Variants in ZNF202 observed in about 807,000 individuals in gnomAD.
ZNF202 encodes zinc finger protein with KRAB and SCAN domains 10.
ZNF202 carries 22 observed loss-of-function variants against 54.5 expected under a neutral mutation model. The observed-to-expected ratio is 0.40, with a 90% CI of 0.29 to 0.58. ZNF202 has a LOEUF of 0.58. Among genes scored for constraint, ZNF202 ranks in the 20% least tolerant of loss-of-function variants. The probability of loss-of-function intolerance (pLI) is 0.39; values close to 1 mark genes in which losing one functional copy is unlikely to be tolerated. For synonymous variants in ZNF202, 294 were observed against 301.4 expected (o/e 0.98, Z 0.26); for missense variants, 644 against 805.5 (o/e 0.80, Z 2.43).
chr11:123,730,444 A>G lies in ZNF202; in HGVS notation c.402+43T>C. The G allele has an allele frequency of 1.4e-6, 2 of 1,480,160 alleles. No homozygotes were observed. Among genetic ancestry groups the G allele is most frequent in the Non-Finnish European group, 1.8e-6 (2 of 1,116,234 alleles). The allele number at this position is 1,480,160 out of a possible 1,614,324, so 91.7% of individuals were successfully genotyped here. A position where few individuals can be genotyped will look rare whatever the true frequency, so the allele number is the denominator to read the frequency against. Reference sequence around the variant, plus strand: ...CCGCAAATCCAGCCTTCCAGCAAATAGTCCCCCTCCACATCACACAGATCA... The same window carrying G: ...CCGCAAATCCAGCCTTCCAGCAAATGGTCCCCCTCCACATCACACAGATCA... On this transcript the variant is annotated intron_variant, in intron 4 of 8. Transcript: ENST00000530393. This position sits in a 1 kb window ranked among gnomAD's most constrained non-coding sequence, Gnocchi z 6.0.
At position 123,725,423 on chromosome 11, in the gene ZNF202, A is replaced by C. The variant is rs945622292; in HGVS notation, c.*574T>G. Reference sequence around the variant, plus strand: ...TTTTCGCCCACTTCCATTTCTCCTCAGCATCAAAGGAAAGTGCATGGTAAG... The same window carrying C: ...TTTTCGCCCACTTCCATTTCTCCTCCGCATCAAAGGAAAGTGCATGGTAAG... On this transcript the variant is annotated 3_prime_UTR_variant, in exon 9 of 9. Transcript: ENST00000530393. 1.3e-5 allele frequency: 2 copies of C among 152,250 alleles called. No homozygotes were observed. The highest frequency in any genetic ancestry group is 4.8e-5 in the African/African-American group (2 of 41,408). The allele number at this position is 152,250 out of a possible 1,614,324, so 9.4% of individuals were successfully genotyped here.
At chr11:123,727,647 T>A in intron 7 of ZNF202, 52 bp from the exon 8 acceptor site, 1 of 1,608,658 alleles carries the variant, frequency 6.2e-7, no homozygotes, top group Non-Finnish European at 8.5e-7. Context: ...CAATTCCCTG[T>A]GTTAAGAGCG....
chr11:123,730,366 G>T lies in ZNF202; in HGVS notation c.402+121C>A. On this transcript the variant is annotated intron_variant, in intron 4 of 8. Coordinates refer to ENST00000530393, the MANE Select transcript of ZNF202 (RefSeq NM_003455.4). The surrounding 1 kb of genome is among the most constrained non-coding windows in gnomAD (Gnocchi z 6.0). ...AATCCATGGGGCTCATGGTATATGAGCAACCCAAGGGCAGAGCCCACTAAT... is the reference window on the plus strand; with the variant it reads ...AATCCATGGGGCTCATGGTATATGATCAACCCAAGGGCAGAGCCCACTAAT... 2 of 1,298,792 alleles carry T rather than the reference G, an allele frequency of 1.5e-6. No homozygotes were observed. The highest frequency in any genetic ancestry group is 2.1e-6 in the Non-Finnish European group (2 of 968,488). The allele number at this position is 1,298,792 out of a possible 1,614,324, so 80.5% of individuals were successfully genotyped here.
rs941127667 is a variant in ZNF202 at position 123,725,214 on chromosome 11, A to G, written c.*783T>C. ...AGGGATGCAACCAAGAGACTGGTTG[A>G]ATAACGGGAAGGTTAAATGCATGAG... On this transcript the variant is annotated 3_prime_UTR_variant, in exon 9 of 9. Transcript: ENST00000530393. 1 of 152,256 alleles carries G rather than the reference A, an allele frequency of 6.6e-6. No individual in the cohort carries two copies. Among genetic ancestry groups the G allele is most frequent in the African/African-American group, 2.4e-5 (1 of 41,470 alleles). 9.4% of individuals were successfully genotyped at this position (152,256 alleles called of 1,614,324 possible).
chr11:123,741,498 T>TCCGGCCCGGTCCAGC (rs1322995840), intron 1 of ZNF202, 51 bp downstream of exon 1: 1 of 151,986 alleles, frequency 6.6e-6, no homozygotes, highest in East Asian at 1.9e-4. Context: ...CCCGATCTGG[T>TCCGGCCCGGTCCAGC]CCGGCCCGGT....
At chr11:123,735,839 A>T (rs1861613661) in intron 3 of ZNF202, among the ~76,000 whole-genome samples, 1 of 152,246 alleles carries the variant, frequency 6.6e-6, no homozygotes, top group South Asian at 2.1e-4. Context: ...GGGATGTGCT[A>T]TGCCATAAGT....
chr11:123,738,460 T>C (rs10466600), intron 3 of ZNF202, among the ~76,000 whole-genome samples: 103,727 of 152,100 alleles, frequency 0.68, 35,567 homozygotes, highest in Middle Eastern at 0.82. Flanking sequence ...AAGCTATATG[T>C]CTCAGTTTAA....
rs1861074890 is a variant in ZNF202, at chr11:123,725,207, CTGGT to C, written c.*786_*789del. 1 of 152,154 alleles carries C rather than the reference CTGGT, an allele frequency of 6.6e-6. No individual in the cohort carries two copies. Among genetic ancestry groups the C allele is most frequent in the African/African-American group, 2.4e-5 (1 of 41,436 alleles). 9.4% of individuals were successfully genotyped at this position (152,154 alleles called of 1,614,324 possible). ...AAGTGCTAGGGATGCAACCAAGAGA[CTGGT>C]TGAATAACGGGAAGGTTAAATGCAT... On this transcript the variant is annotated 3_prime_UTR_variant, in exon 9 of 9. Transcript: ENST00000530393.
intron 6 of ZNF202, among the ~76,000 whole-genome samples, chr11:123,728,660 T>C (rs1178760725): frequency 6.6e-6 from 1 of 152,222 alleles, no homozygotes; most frequent in African/African-American, 2.4e-5. Flanking sequence ...ACAAGACTTT[T>C]TTCCTCAGTT....
intron 1 of ZNF202, among the ~76,000 whole-genome samples, 181 bp from the exon 2 acceptor site, chr11:123,740,717 T>C (rs1028263070): frequency 1.3e-5 from 2 of 152,180 alleles, no homozygotes; most frequent in Non-Finnish European, 2.9e-5. Flanking sequence ...GCCTAGAAGA[T>C]GAGAACATTC....
chr11:123,735,897 G>A (rs1861617339), intron 3 of ZNF202, among the ~76,000 whole-genome samples: 2 of 152,166 alleles, frequency 1.3e-5, no homozygotes. Context: ...TTTCTTCAAT[G>A]TCTGTCCTTG....
chr11:123,727,565 G>C lies in ZNF202; in HGVS notation c.863C>G (p.Ser288Cys), dbSNP rs755054119. 4.3e-6 allele frequency: 7 copies of C among 1,613,996 alleles called. No homozygotes were observed. In the South Asian group the frequency reaches 7.7e-5, roughly 18 times the overall value. The change falls in exon 8 of 9, where the codon TCC (serine) becomes TGC (cysteine). Residue 288 changes from serine (S) to cysteine (C), a missense_variant. Physicochemically the swap from Ser to Cys is moderately radical, Grantham distance 112 (BLOSUM62 -1). Transcript: ENST00000530393. ...CCAAGGCTCTTCCTCTCTAACCTGG[G>C]AGATCTCATCAGGTCTGGGGATTGG... ...SFPIPRPDEI[S>C]QVREEEPWVP...
Position 123,726,399 on chromosome 11 carries a change from G to A in ZNF202, c.1545C>T (p.Gly515=). 1 of 1,614,184 alleles carries A rather than the reference G, an allele frequency of 6.2e-7. No individual in the cohort carries two copies. The highest frequency in any genetic ancestry group is 8.5e-7 in the Non-Finnish European group (1 of 1,180,022). ...ACACAGATTTCTGGCTGAAGCTTTT[G>A]CCACAAATAGTACAAAAGAAGGGTT... ...GEKPFFCTIC[G]KSFSQKSVLT... The change falls in exon 9 of 9, where the codon GGC becomes GGT. Residue 515 remains glycine (G), a synonymous_variant. Coordinates refer to ENST00000530393, the MANE Select transcript of ZNF202 (RefSeq NM_003455.4). This position sits in a 1 kb window ranked among gnomAD's most constrained non-coding sequence, Gnocchi z 6.0.
chr11:123,735,268 G>A (rs899383592), intron 3 of ZNF202, among the ~76,000 whole-genome samples: 2 of 152,084 alleles, frequency 1.3e-5, no homozygotes, highest in Admixed American at 6.5e-5. Context: ...TTGTTTTCAC[G>A]CAGCACTAGG....
intron 3 of ZNF202, 43 bp from the exon 4 acceptor site, chr11:123,731,028 C>A: frequency 1.0e-6 from 1 of 977,564 alleles, no homozygotes; most frequent in Non-Finnish European, 1.5e-6. Context: ...AAGCATGAAA[C>A]TATACACAAG....
intron 6 of ZNF202, among the ~76,000 whole-genome samples, chr11:123,728,792 T>C (rs914611220): frequency 3.3e-5 from 5 of 151,828 alleles, no homozygotes; most frequent in Admixed American, 2.0e-4. Context: ...TCTGTCATAC[T>C]TACAAATGAC....
chr11:123,730,177 C>T lies in ZNF202; in HGVS notation c.402+310G>A, dbSNP rs531905157. On this transcript the variant is annotated intron_variant, in intron 4 of 8. Coordinates refer to ENST00000530393, the MANE Select transcript of ZNF202 (RefSeq NM_003455.4). This position sits in a 1 kb window ranked among gnomAD's most constrained non-coding sequence, Gnocchi z 6.0. ...ATCTGTGACTGGGGATCTATGAGAACCTTCGAGGAAGTCACAAAATTCTCC... is the reference window on the plus strand; with the variant it reads ...ATCTGTGACTGGGGATCTATGAGAATCTTCGAGGAAGTCACAAAATTCTCC... Among the ~76,000 whole-genome samples, 70 of 152,200 alleles carry T rather than the reference C, an allele frequency of 4.6e-4. No individual in the cohort carries two copies. Among genetic ancestry groups the T allele is most frequent in the African/African-American group, 1.6e-3 (67 of 41,520 alleles).
chr11:123,733,839 T>A (rs1861515876), intron 3 of ZNF202, among the ~76,000 whole-genome samples: 1 of 152,200 alleles, frequency 6.6e-6, no homozygotes, highest in Non-Finnish European at 1.5e-5. Flanking sequence ...ACCCACTTCC[T>A]TGCACTTTTC....
chr11:123,726,433 G>A lies in ZNF202; in HGVS notation c.1511C>T (p.Thr504Ile). ...AGTACAAAAGAAGGGTTTTTCTCCA[G>A]TATGTGTCCTCTGATGTCTGACAAG... is the stretch of plus-strand genomic sequence containing the variant. ...SDLVRHQRTH[T>I]GEKPFFCTIC... Residue 504 changes from threonine to isoleucine, a missense_variant, in exon 9 of 9, where the codon ACT becomes ATT. Physicochemically the swap from Thr to Ile is moderately conservative, Grantham distance 89. This residue lies in a region of ZNF202 where 536 missense variants were observed against 635.3 expected (regional missense o/e 0.84). Transcript: ENST00000530393. The surrounding 1 kb of genome is among the most constrained non-coding windows in gnomAD (Gnocchi z 6.0). 1 of 1,614,242 alleles carries A rather than the reference G, an allele frequency of 6.2e-7. No individual in the cohort carries two copies. The highest frequency in any genetic ancestry group is 8.5e-7 in the Non-Finnish European group (1 of 1,180,048).
Sources: gnomAD v4.1 joint callset for allele counts (sites outside exome capture counted in the v4.1 genomes callset) on GRCh38, gnomAD v4.1.1 for gene constraint, gnomAD v4.1.1 regional missense constraint, Gnocchi (gnomAD v3.1) non-coding constraint, MANE v1.5 for transcripts, NCBI Gene and HGNC (gene_info 2026-07-23, HGNC 2026-07-21) for gene names.